The following CNTLN variants were observed in gnomAD, a reference collection of about 807,000 sequenced individuals.
CNTLN encodes centlein.
In CNTLN, 212 loss-of-function variants were observed where a neutral mutation model predicts 180.0. The ratio of observed to expected loss-of-function variants is 1.18; its 90% CI spans 1.05 to 1.32. The LOEUF is 1.32. Among genes scored for constraint, CNTLN ranks in the 40% most tolerant of loss-of-function variants. The pLI is 0.00. For missense variants in CNTLN, 2,095 were observed against 1,610.9 expected, an observed-to-expected ratio of 1.30 and a Z score of -5.14; for synonymous variants, 722 against 563.1, an observed-to-expected ratio of 1.28 and a Z score of -3.99.
At chr9:17,194,679 C>A (rs904781377) in intron 2 of CNTLN, among the ~76,000 whole-genome samples, 3 of 152,194 alleles carry the variant, frequency 2.0e-5, no homozygotes, top group Non-Finnish European at 2.9e-5. Context: ...ACTGTTCCAA[C>A]CTTTGTTACC....
At chr9:17,287,228 T>A (rs931362149) in intron 6 of CNTLN, among the ~76,000 whole-genome samples, 13 of 151,998 alleles carry the variant, frequency 8.6e-5, no homozygotes, top group Admixed American at 8.5e-4. Flanking sequence ...CGTTGCTGAA[T>A]TTTGTCAAAG....
intron 18 of CNTLN, among the ~76,000 whole-genome samples, chr9:17,453,237 C>G (rs529206332): frequency 2.5e-4 from 38 of 152,044 alleles, no homozygotes; most frequent in Admixed American, 9.8e-4. Flanking sequence ...CCCTTGAGCC[C>G]AGGAGTTTGA....
At chr9:17,237,354 T>TACAC (rs59168012) in intron 5 of CNTLN, among the ~76,000 whole-genome samples, 1,570 of 106,450 alleles carry the variant, frequency 0.015, 26 homozygotes, top group Admixed American at 0.033. Context: ...TATATGCCCC[T>TACAC]ACACACACAC....
At chr9:17,233,989 C>G (rs1824975159) in intron 3 of CNTLN, among the ~76,000 whole-genome samples, 1 of 151,988 alleles carries the variant, frequency 6.6e-6, no homozygotes, top group Non-Finnish European at 1.5e-5. Context: ...GATAATGGTA[C>G]AGTTGTGTTT....
chr9:17,374,163 C>T (rs190708680), intron 13 of CNTLN, among the ~76,000 whole-genome samples: 1 of 152,176 alleles, frequency 6.6e-6, no homozygotes, highest in African/African-American at 2.4e-5. Flanking sequence ...GAACAATCAA[C>T]AAATCAAAGA....
chr9:17,211,524 T>A (rs933394931), intron 2 of CNTLN, among the ~76,000 whole-genome samples: 2 of 152,186 alleles, frequency 1.3e-5, no homozygotes, highest in Non-Finnish European at 2.9e-5. Context: ...CTTAGGATTG[T>A]CTTGGCAATG....
chr9:17,345,832 A>G (rs960640267), intron 12 of CNTLN, among the ~76,000 whole-genome samples: 4 of 152,100 alleles, frequency 2.6e-5, no homozygotes, highest in Non-Finnish European at 5.9e-5. Context: ...TGTATGGGTA[A>G]ATATAATAGA....
rs546706830 is a variant in CNTLN, at chr9:17,372,961, T to A, written c.1987+6244T>A. Among the ~76,000 whole-genome samples the A allele has an allele frequency of 7.9e-5, 12 of 152,252 alleles. No homozygotes were observed. In the East Asian group the frequency reaches 2.1e-3, roughly 27 times the overall value. On this transcript the variant is annotated intron_variant, in intron 13 of 25. Transcript: ENST00000380647. ...GAGAAAATCTCTCAAAAAACTGGTT[T>A]CATTGGAACAAACATACATCAGGAT... is the stretch of plus-strand genomic sequence containing the variant.
At chr9:17,453,850 GA>G (rs1458014127) in intron 18 of CNTLN, among the ~76,000 whole-genome samples, 3 of 152,168 alleles carry the variant, frequency 2.0e-5, no homozygotes, top group Admixed American at 6.5e-5. Context: ...ACCAACGGGG[GA>G]ATCTCCCTGA....
chr9:17,217,826 G>A (rs1475198222), intron 2 of CNTLN, among the ~76,000 whole-genome samples: 2 of 152,172 alleles, frequency 1.3e-5, no homozygotes, highest in Admixed American at 6.5e-5. Flanking sequence ...TCAGGAAATA[G>A]TCACTTAATT....
At chr9:17,520,261 C>T in the CNTLN span, among the ~76,000 whole-genome samples, 1 of 152,150 alleles carries the variant, frequency 6.6e-6, no homozygotes, top group Admixed American at 6.5e-5. Flanking sequence ...GTGGATTCAG[C>T]CCAGAAAACA....
intron 15 of CNTLN, among the ~76,000 whole-genome samples, chr9:17,404,499 C>T (rs1045635980): frequency 6.6e-6 from 1 of 151,506 alleles, no homozygotes; most frequent in Non-Finnish European, 1.5e-5. Flanking sequence ...TTTGGATTCC[C>T]TATACTGAGC....
intron 6 of CNTLN, among the ~76,000 whole-genome samples, chr9:17,281,473 G>A (rs933038445): frequency 1.3e-5 from 2 of 151,948 alleles, no homozygotes; most frequent in Non-Finnish European, 2.9e-5. Context: ...ACAGGCCCCA[G>A]TGTGTATTGT....
chr9:17,379,713 T>A (rs1825069903), intron 13 of CNTLN, among the ~76,000 whole-genome samples: 1 of 152,192 alleles, frequency 6.6e-6, no homozygotes, highest in African/African-American at 2.4e-5. Flanking sequence ...TTCTCTAGAT[T>A]AAATCCCAAA....
Position 17,397,691 on chromosome 9 carries a change from C to T in CNTLN, c.2615+2622C>T, listed in dbSNP as rs1480760365. On this transcript the variant is annotated intron_variant, in intron 15 of 25. Coordinates refer to ENST00000380647, the MANE Select transcript of CNTLN (RefSeq NM_017738.4). ...CGGCAGATCTGAGCCCTATTTTACC[C>T]AGCACCTATTCAAGATGGAGTTGCT... Among the ~76,000 whole-genome samples, 3 of 152,218 alleles carry T rather than the reference C, an allele frequency of 2.0e-5. No homozygotes were observed. In the East Asian group the frequency reaches 5.8e-4, roughly 29 times the overall value.
chr9:17,341,677 G>A (rs77562772), intron 11 of CNTLN, among the ~76,000 whole-genome samples: 8,538 of 152,154 alleles, frequency 0.056, 265 homozygotes, highest in South Asian at 0.14. Flanking sequence ...TGGCCAGTAC[G>A]GCACTTTTAC....
rs1255930788 is a variant in CNTLN, at chr9:17,260,283, G to A, written c.850-13450G>A. Among the ~76,000 whole-genome samples the A allele has an allele frequency of 3.3e-5, 5 of 150,446 alleles. No individual in the cohort carries two copies. In the East Asian group the frequency reaches 9.8e-4, roughly 29 times the overall value. On this transcript the variant is annotated intron_variant, in intron 5 of 25. Coordinates refer to ENST00000380647, the MANE Select transcript of CNTLN (RefSeq NM_017738.4). ...TGTTCAGTTTCCATGTAGTTGAGCG[G>A]TTTTGAGTGAGTTTCTTAATCCTGA...
At chr9:17,206,185 G>T (rs1822908505) in intron 2 of CNTLN, among the ~76,000 whole-genome samples, 1 of 152,134 alleles carries the variant, frequency 6.6e-6, no homozygotes, top group African/African-American at 2.4e-5. Context: ...GATACCAATG[G>T]GGGTGGGGTA....
At chr9:17,154,470 C>T (rs531210998) in intron 2 of CNTLN, among the ~76,000 whole-genome samples, 50 of 152,302 alleles carry the variant, frequency 3.3e-4, no homozygotes, top group African/African-American at 1.1e-3. Flanking sequence ...GCAGTAGAGG[C>T]TGCAGAGCAG....
Sources: allele counts gnomAD v4.1 joint callset (sites outside exome capture counted in the v4.1 genomes callset), GRCh38; gene constraint gnomAD v4.1.1; transcripts MANE v1.5; gene names NCBI Gene and HGNC (gene_info 2026-07-23, HGNC 2026-07-21).